TRMT11: variants seen among roughly 807,000 people sequenced by gnomAD.
The protein encoded by TRMT11 is tRNA (guanine(10)-N(2))-methyltransferase TRMT11.
Under a neutral mutation model 62.8 loss-of-function variants are expected in TRMT11, and 53 were observed. The observed-to-expected ratio is 0.84, with a 90% CI of 0.68 to 1.06. The LOEUF is 1.06. Among genes scored for constraint, TRMT11 ranks in the 50% least tolerant of loss-of-function variants. The pLI is 0.00. For missense variants in TRMT11, 556 were observed against 553.4 expected, an observed-to-expected ratio of 1.00 and a Z score of -0.05; for synonymous variants, 188 against 190.3, an observed-to-expected ratio of 0.99 and a Z score of 0.10.
At chr6:126,262,606 C>G in the TRMT11 span, among the ~76,000 whole-genome samples, 1 of 152,178 alleles carries the variant, frequency 6.6e-6, no homozygotes, top group South Asian at 2.1e-4. Flanking sequence ...GGCTCCTACT[C>G]TGCAGCAGTG....
intron 2 of TRMT11, among the ~76,000 whole-genome samples, 172 bp from the exon 3 acceptor site, chr6:125,995,795 A>T (rs1791403020): frequency 6.6e-6 from 1 of 152,150 alleles, no homozygotes; most frequent in African/African-American, 2.4e-5. Context: ...TTACTATATT[A>T]TTCTAATTTA....
chr6:126,054,415 G>T (rs1403579874), intron 17 of TRMT11, among the ~76,000 whole-genome samples: 1 of 152,192 alleles, frequency 6.6e-6, no homozygotes, highest in Non-Finnish European at 1.5e-5. Context: ...TGTGGTAAGA[G>T]ATTGCCCAGA....
chr6:126,214,837 AG>A, the TRMT11 span, among the ~76,000 whole-genome samples: 1 of 151,554 alleles, frequency 6.6e-6, no homozygotes, highest in East Asian at 1.9e-4. Context: ...GTTTATTTGA[AG>A]GCTTTCTACT....
At position 126,148,011 on chromosome 6, in the gene TRMT11, T is replaced by C. The variant is rs147893983; in HGVS notation, c.*1824-26814T>C. 8.2e-3 allele frequency among the ~76,000 whole-genome samples: 1,251 copies of C among 152,204 alleles called. 16 individuals carry two copies. The highest frequency in any genetic ancestry group is 0.029 in the African/African-American group (1,197 of 41,516). The stretch of plus-strand genomic sequence containing the variant: ...TGTATACTTATGTAACAAACCTGCA[T>C]GTTCTGCACATGTACCCCAGAACTT... On this transcript the variant is annotated intron_variant and NMD_transcript_variant, in intron 21 of 22. Coordinates refer to the TRMT11 transcript ENST00000648977.
intron 1 of TRMT11, among the ~76,000 whole-genome samples, chr6:126,186,541 G>A (rs1228369818): frequency 6.6e-6 from 1 of 152,134 alleles, no homozygotes; most frequent in Non-Finnish European, 1.5e-5. Flanking sequence ...ACTATAAAAT[G>A]TTGACTTAAA....
rs9401859 is a variant in TRMT11, at chr6:126,026,471, C to T, written c.1260+5191C>T. On this transcript the variant is annotated intron_variant, in intron 12 of 12. Transcript: ENST00000334379. ...CGTGATCTTGACTCACTGCAACCTC[C>T]GCCTTCTGGGTTCAAGTGATTCTCC... 1.6e-3 allele frequency among the ~76,000 whole-genome samples: 240 copies of T among 152,188 alleles called. 4 individuals are homozygous for T. In the East Asian group the frequency reaches 0.041, roughly 26 times the overall value.
intron 21 of TRMT11, among the ~76,000 whole-genome samples, chr6:126,156,099 G>A (rs139968376): frequency 3.9e-4 from 60 of 152,274 alleles, no homozygotes; most frequent in African/African-American, 1.4e-3. Flanking sequence ...AGGTCACACT[G>A]GTGCAAGGGT....
downstream of TRMT11, among the ~76,000 whole-genome samples, chr6:126,042,963 T>C (rs961772057): frequency 7.2e-5 from 11 of 152,112 alleles, no homozygotes; most frequent in African/African-American, 2.7e-4. Context: ...GTATAAATCT[T>C]GGAGTATCTC....
chr6:126,176,321 C>T (rs907276164), upstream of TRMT11, among the ~76,000 whole-genome samples: 4 of 152,110 alleles, frequency 2.6e-5, no homozygotes. Flanking sequence ...ATATAGTCAG[C>T]ACACTTCACC....
upstream of TRMT11, among the ~76,000 whole-genome samples, chr6:126,176,844 C>G (rs984864719): frequency 6.6e-6 from 1 of 152,008 alleles, no homozygotes; most frequent in African/African-American, 2.4e-5. Flanking sequence ...TACTTGACAG[C>G]TTGATATATG....
intron 21 of TRMT11, among the ~76,000 whole-genome samples, chr6:126,125,251 T>G (rs1777702238): frequency 6.6e-6 from 1 of 152,102 alleles, no homozygotes; most frequent in African/African-American, 2.4e-5. Context: ...TTTGGGCTCT[T>G]TAGTTTTTTT....
rs1402377925 is a variant in TRMT11, at chr6:126,153,096, A to G, written c.*1824-21729A>G. Reference sequence around the variant, plus strand: ...ACCTCTCAAAGATCCACAGCATTAGAAGCACTGAAAATCTATGCGGTTGTT... The same window carrying G: ...ACCTCTCAAAGATCCACAGCATTAGGAGCACTGAAAATCTATGCGGTTGTT... On this transcript the variant is annotated intron_variant and NMD_transcript_variant, in intron 21 of 22. Transcript: ENST00000648977. 2.0e-5 allele frequency among the ~76,000 whole-genome samples: 3 copies of G among 152,202 alleles called. No homozygotes were observed. The East Asian group carries it at 5.8e-4, about 29-fold the overall frequency.
chr6:125,995,940 T>G (rs757890254), intron 2 of TRMT11, 27 bp from the exon 3 acceptor site: 3 of 1,436,670 alleles, frequency 2.1e-6, no homozygotes, highest in Non-Finnish European at 2.9e-6. Flanking sequence ...CACTTAGAAT[T>G]AAGTTGCATA....
intron 21 of TRMT11, among the ~76,000 whole-genome samples, chr6:126,133,064 T>G (rs971043472): frequency 2.0e-5 from 3 of 152,038 alleles, no homozygotes; most frequent in African/African-American, 4.8e-5. Flanking sequence ...AAGTCTTTTC[T>G]TCCGCAGTAC....
At chr6:126,195,310 C>T (rs899772307) in intron 1 of TRMT11, among the ~76,000 whole-genome samples, 1 of 152,128 alleles carries the variant, frequency 6.6e-6, no homozygotes. Flanking sequence ...ATAAATGAGT[C>T]GTAAGCAATA....
intron 21 of TRMT11, among the ~76,000 whole-genome samples, chr6:126,121,873 A>G (rs1583881203): frequency 6.6e-6 from 1 of 152,084 alleles, no homozygotes; most frequent in East Asian, 1.9e-4. Context: ...ACACAGACAC[A>G]CAAACAGCTC....
At chr6:125,997,234 C>T (rs1791662728) in intron 3 of TRMT11, among the ~76,000 whole-genome samples, 1 of 151,784 alleles carries the variant, frequency 6.6e-6, no homozygotes, top group Non-Finnish European at 1.5e-5. Context: ...TCTGTAAATT[C>T]AATAGAAAAG....
intron 1 of TRMT11, among the ~76,000 whole-genome samples, chr6:126,197,074 G>C (rs1456143376): frequency 2.0e-5 from 3 of 152,112 alleles, no homozygotes; most frequent in Admixed American, 6.5e-5. Flanking sequence ...TCTATCATCT[G>C]TCTGTCTGTT....
intron 21 of TRMT11, among the ~76,000 whole-genome samples, chr6:126,121,317 T>TA (rs771827642): frequency 6.6e-6 from 1 of 152,146 alleles, no homozygotes; most frequent in Admixed American, 6.6e-5. Flanking sequence ...TTATTAGCTC[T>TA]AAAAAATCAC....
Sources: allele counts gnomAD v4.1 joint callset (sites outside exome capture counted in the v4.1 genomes callset), GRCh38; gene constraint gnomAD v4.1.1; transcripts MANE v1.5; gene names NCBI Gene and HGNC (gene_info 2026-07-23, HGNC 2026-07-21).